The following PDLIM3 variants were observed in gnomAD, a reference collection of about 807,000 sequenced individuals.
PDLIM3 encodes the protein PDZ and LIM domain protein 3.
PDLIM3 carries 36 observed loss-of-function variants against 37.3 expected under a neutral mutation model. The ratio of observed to expected loss-of-function variants is 0.97; its 90% confidence interval spans 0.74 to 1.28. The LOEUF (loss-of-function observed/expected upper bound fraction) is 1.28, where lower values mean the gene tolerates loss of function less well. Among genes scored for constraint, PDLIM3 ranks in the 50% most tolerant of loss-of-function variants. The probability of loss-of-function intolerance (pLI) is 0.00; values close to 1 mark genes in which losing one functional copy is unlikely to be tolerated. For synonymous variants in PDLIM3, 174 were observed against 182.4 expected, an observed-to-expected ratio of 0.95 and a Z score of 0.37; for missense variants, 454 against 485.0, an observed-to-expected ratio of 0.94 and a Z score of 0.60.
At chr4:185,509,203 A>G (rs2095702803) in intron 4 of PDLIM3, among the ~76,000 whole-genome samples, 1 of 151,882 alleles carries the variant, frequency 6.6e-6, no homozygotes, top group Non-Finnish European at 1.5e-5. Context: ...AACATTTTCT[A>G]TTTTTACTCT....
At position 185,521,104 on chromosome 4, in the gene PDLIM3, C is replaced by T. The variant is rs529518096; in HGVS notation, c.330+2258G>A. ...TCACCTCCAGGTGATAAATTGATGA[C>T]GGTGGGAGGAAGCAGGTCAGCCTGG... On this transcript the variant is annotated intron_variant, in intron 3 of 7. Coordinates refer to ENST00000284767, the MANE Select transcript of PDLIM3 (RefSeq NM_014476.6). Among the ~76,000 whole-genome samples the T allele has an allele frequency of 2.0e-4, 13 of 66,022 alleles. 4 individuals carry two copies. The East Asian group carries it at 3.1e-3, about 16-fold the overall frequency. The allele number at this position is 66,022 out of a possible 152,430, so 43.3% of individuals were successfully genotyped here.
At chr4:185,529,325 A>C (rs2095739788) in intron 1 of PDLIM3, among the ~76,000 whole-genome samples, 1 of 151,392 alleles carries the variant, frequency 6.6e-6, no homozygotes, top group African/African-American at 2.4e-5. Flanking sequence ...CTGTTGGGGA[A>C]AAAAAAGCTA....
rs1446840812 is a variant in PDLIM3, at chr4:185,514,593, T to A, written c.331-256A>T. On this transcript the variant is annotated intron_variant, in intron 3 of 7. Transcript: ENST00000284767. This position sits in a 1 kb window ranked among gnomAD's most constrained non-coding sequence, Gnocchi z 4.0. ...TGTCTTTAAAAGAGAAATCTGATAGTGCCTTCAGGAAAGTAAAAATAAAAC... is the reference window on the plus strand; with the variant it reads ...TGTCTTTAAAAGAGAAATCTGATAGAGCCTTCAGGAAAGTAAAAATAAAAC... The A allele has an allele frequency of 7.9e-7, 1 of 1,269,734 alleles. No homozygotes were observed. The highest frequency in any genetic ancestry group is 1.1e-6 in the Non-Finnish European group (1 of 927,784). The allele number at this position is 1,269,734 out of a possible 1,614,324, so 78.7% of individuals were successfully genotyped here.
chr4:185,523,068 C>A, intron 3 of PDLIM3: 1 of 337,878 alleles, frequency 3.0e-6, no homozygotes, highest in Admixed American at 4.6e-5. Context: ...ACGGTCATTT[C>A]ACAGAAGTCC....
rs2095687854 is a variant in PDLIM3 at position 185,502,066 on chromosome 4, C to G, written c.*228G>C. The G allele has an allele frequency of 1.7e-6, 1 of 576,694 alleles. No homozygotes were observed. Among genetic ancestry groups the G allele is most frequent in the South Asian group, 2.0e-5 (1 of 49,510 alleles). 35.7% of individuals were successfully genotyped at this position (576,694 alleles called of 1,614,324 possible). ...ATTATTGCTTTAAATATCATTATTG[C>G]TAGCCCCAAAAAGAGTTGCAAAACA... On this transcript the variant is annotated 3_prime_UTR_variant, in exon 8 of 8. Transcript: ENST00000284767.
At chr4:185,526,286 C>T (rs144049578) in intron 1 of PDLIM3, among the ~76,000 whole-genome samples, 116 of 152,280 alleles carry the variant, frequency 7.6e-4, no homozygotes, top group African/African-American at 2.6e-3. Flanking sequence ...CTCTTCTCCA[C>T]GAATGAAGGA....
At chr4:185,523,225 T>C in intron 3 of PDLIM3, 137 bp downstream of exon 3, 2 of 646,164 alleles carry the variant, frequency 3.1e-6, no homozygotes, top group Non-Finnish European at 5.6e-6. Flanking sequence ...TATAAATTAA[T>C]CTCGGAGAGG....
rs1334806377 is a variant in PDLIM3, at chr4:185,525,136, C to T, written c.129G>A (p.Leu43=). The T allele has an allele frequency of 6.2e-7, 1 of 1,614,202 alleles. No individual in the cohort carries two copies. Among genetic ancestry groups the T allele is most frequent in the Non-Finnish European group, 8.5e-7 (1 of 1,180,012 alleles). ...TAGCCAGGATGACATCTCCAGGACA[C>T]AGGTTGGCAGCTGCCGCCTTGCTTC... The part of the protein sequence containing the change: ...TPGSKAAAAN[L]CPGDVILAID... Residue 43 remains leucine (L), a synonymous_variant, in exon 2 of 8, where the codon CTG becomes CTA. Transcript: ENST00000284767.
rs1301324218 is a variant in PDLIM3 at position 185,525,062 on chromosome 4, C to T, written c.203G>A (p.Arg68Lys). The change falls in exon 2 of 8, where the codon AGG becomes AAG. Residue 68 changes from arginine to lysine, a missense_variant. Physicochemically the swap from Arg to Lys is conservative, Grantham distance 26 (BLOSUM62 2). Coordinates refer to ENST00000284767, the MANE Select transcript of PDLIM3 (RefSeq NM_014476.6). ...ESMTHADAQD[R>K]IKAAAHQLCL... ...CAGCTGGTGAGCTGCTGCTTTAATC[C>T]TGTCCTGCGCATCAGCATGAGTCAT... 1.2e-6 allele frequency: 2 copies of T among 1,614,136 alleles called. No individual in the cohort carries two copies. The highest frequency in any genetic ancestry group is 1.7e-6 in the Non-Finnish European group (2 of 1,179,982).
intron 1 of PDLIM3, among the ~76,000 whole-genome samples, chr4:185,531,926 T>TAGAAA (rs2095745093): frequency 9.4e-6 from 1 of 105,916 alleles, no homozygotes. Flanking sequence ...CTATCTCTAC[T>TAGAAA]AAAAAAAAAA....
Position 185,504,504 on chromosome 4 carries a change from C to A in PDLIM3, c.876G>T (p.Pro292=), listed in dbSNP as rs751623400. The A allele has an allele frequency of 6.2e-7, 1 of 1,613,522 alleles. No homozygotes were observed. Among genetic ancestry groups the A allele is most frequent in the African/African-American group, 1.3e-5 (1 of 74,920 alleles). Residue 292 remains proline, a synonymous_variant, in exon 7 of 8, where the codon CCG becomes CCT. Coordinates refer to ENST00000284767, the MANE Select transcript of PDLIM3 (RefSeq NM_014476.6). The surrounding 1 kb of genome is among the most constrained non-coding windows in gnomAD (Gnocchi z 4.7). Reference sequence around the variant, plus strand: ...TGCCACTCCCACATTTGTCACAGAGCGGCATCCTCTGTGCCCCGCCTGAAC... The same window carrying A: ...TGCCACTCCCACATTTGTCACAGAGAGGCATCCTCTGTGCCCCGCCTGAAC... ...HGGSGGAQRM[P]LCDKCGSGIV... is the part of the protein sequence containing the mutation.
intron 3 of PDLIM3, chr4:185,515,003 T>C (rs1349561485): frequency 1.4e-5 from 11 of 812,156 alleles, no homozygotes; most frequent in East Asian, 2.7e-5. Context: ...ACGACGAGAT[T>C]GACGGAAAGA....
chr4:185,514,225 T>C lies in PDLIM3; in HGVS notation c.398+45A>G. The C allele has an allele frequency of 6.2e-7, 1 of 1,614,098 alleles. No homozygotes were observed. Among genetic ancestry groups the C allele is most frequent in the East Asian group, 2.2e-5 (1 of 44,882 alleles). On this transcript the variant is annotated intron_variant, in intron 4 of 7. Coordinates refer to ENST00000284767, the MANE Select transcript of PDLIM3 (RefSeq NM_014476.6). The surrounding 1 kb of genome is among the most constrained non-coding windows in gnomAD (Gnocchi z 4.0). ...TTCTTGATGATTAGTAAGAACTGAT[T>C]TAAGAAGCATGCACTGCAAACTCCA...
In PDLIM3 at chr4:185,508,414, C is replaced by G. The variant is rs765318874; in HGVS notation, c.547G>C (p.Val183Leu). The change falls in exon 5 of 8, where the codon GTG (valine) becomes CTG (leucine). Residue 183 changes from valine (V) to leucine (L), a missense_variant. Physicochemically the swap from Val to Leu is conservative, Grantham distance 32. Transcript: ENST00000284767. ...NIPLEMELPG[V>L]KIVHAQFNTP... The stretch of plus-strand genomic sequence containing the variant: ...TTAAACTGAGCATGTACAATCTTCA[C>G]ACCAGGAAGTTCCATTTCCAAAGGA... The G allele has an allele frequency of 4.3e-6, 7 of 1,614,066 alleles. No individual in the cohort carries two copies. In the African/African-American group the frequency reaches 9.3e-5, roughly 22 times the overall value.
chr4:185,512,551 T>A lies in PDLIM3; in HGVS notation c.398+1719A>T, dbSNP rs577479446. 14 of 522,756 alleles carry A rather than the reference T, an allele frequency of 2.7e-5. No individual in the cohort carries two copies. In the South Asian group the frequency reaches 8.4e-4, roughly 31 times the overall value. 32.4% of individuals were successfully genotyped at this position (522,756 alleles called of 1,614,324 possible). On this transcript the variant is annotated intron_variant, in intron 4 of 7. Transcript: ENST00000284767. ...CCTATGTTTAAGTTAAAATGAAAAA[T>A]TTTTTTAAAAGGTGATTATATACCT...
rs2095724426 is a variant in PDLIM3 at position 185,522,441 on chromosome 4, T to C, written c.330+921A>G. ...GAAATCAGAGGCTTATGGAGACAAG[T>C]AGAAAACTTGAAGGACAAATTCAGG... is the stretch of plus-strand genomic sequence containing the variant. On this transcript the variant is annotated intron_variant, in intron 3 of 7. Coordinates refer to ENST00000284767, the MANE Select transcript of PDLIM3 (RefSeq NM_014476.6). Among the ~76,000 whole-genome samples the C allele has an allele frequency of 3.0e-5, 2 of 66,784 alleles. 1 individual carries two copies. The highest frequency in any genetic ancestry group is 1.2e-4 in the Non-Finnish European group (2 of 16,220). 43.8% of individuals were successfully genotyped at this position (66,784 alleles called of 152,430 possible).
At position 185,525,025 on chromosome 4, in the gene PDLIM3, A is replaced by G. The variant is rs376278294; in HGVS notation, c.240T>C (p.Ile80=). The G allele has an allele frequency of 4.3e-6, 7 of 1,614,034 alleles. No homozygotes were observed. In the African/African-American group the frequency reaches 8.0e-5, roughly 18 times the overall value. ...CACCATTAGTTAAGAAGCACCTGTC[A>G]ATTTTGAGACACAGCTGGTGAGCTG... ...KAAAHQLCLK[I]DRGETHLWSP... Residue 80 remains isoleucine, a synonymous_variant, in exon 2 of 8, where the codon ATT becomes ATC. Transcript: ENST00000284767.
intron 1 of PDLIM3, among the ~76,000 whole-genome samples, chr4:185,532,923 T>C (rs1004936706): frequency 1.3e-5 from 2 of 152,162 alleles, no homozygotes; most frequent in Non-Finnish European, 2.9e-5. Flanking sequence ...AGGCCAGTGA[T>C]GAACAGGATG....
In PDLIM3 at chr4:185,502,281, C is replaced by T. The variant is rs778200293; in HGVS notation, c.*13G>A. 12 of 1,613,718 alleles carry T rather than the reference C, an allele frequency of 7.4e-6. No individual in the cohort carries two copies. The highest frequency in any genetic ancestry group is 3.3e-5 in the South Asian group (3 of 91,080). On this transcript the variant is annotated 3_prime_UTR_variant, in exon 8 of 8. Coordinates refer to ENST00000284767, the MANE Select transcript of PDLIM3 (RefSeq NM_014476.6). ...TGGGTGGGTGCGTGCGTGCGTGCCA[C>T]GCCTGCAGAGACTTAAGCTTTGGGA...
Sources: allele counts gnomAD v4.1 joint callset (sites outside exome capture counted in the v4.1 genomes callset), GRCh38; gene constraint gnomAD v4.1.1; non-coding constraint Gnocchi (gnomAD v3.1); transcripts MANE v1.5; gene names NCBI Gene and HGNC (gene_info 2026-07-23, HGNC 2026-07-21).